TMEM91: variants seen among roughly 807,000 people sequenced by gnomAD.
TMEM91 encodes transmembrane protein 91.
A neutral mutation model predicts 13.3 loss-of-function variants in TMEM91; 6 were observed. The ratio of observed to expected loss-of-function variants is 0.45; its 90% CI spans 0.25 to 0.89. TMEM91 has a LOEUF of 0.89. Among genes scored for constraint, TMEM91 ranks in the 40% least tolerant of loss-of-function variants. TMEM91 has a pLI of 0.19. For missense variants in TMEM91, 193 were observed against 228.7 expected, an observed-to-expected ratio of 0.84 and a Z score of 1.01; for synonymous variants, 87 against 101.7, an observed-to-expected ratio of 0.86 and a Z score of 0.87.
intron 3 of TMEM91, chr19:41,383,334 G>A (rs941400052): frequency 5.6e-5 from 26 of 460,830 alleles, no homozygotes; most frequent in Middle Eastern, 1.3e-3. Context: ...GATTACAGGC[G>A]TGAGCCACGG....
intron 2 of TMEM91, among the ~76,000 whole-genome samples, chr19:41,380,913 CA>C (rs35462984): frequency 0.051 from 3,449 of 67,440 alleles, 241 homozygotes; most frequent in African/African-American, 0.17. Context: ...AACTCTGTCT[CA>C]AAAAAAAAAA....
chr19:41,383,339 C>A, intron 3 of TMEM91: 1 of 480,294 alleles, frequency 2.1e-6, no homozygotes, highest in Non-Finnish European at 3.3e-6. Context: ...CAGGCGTGAG[C>A]CACGGTGCCC....
Position 41,382,882 on chromosome 19 carries a change from CTGGCCCGT to C in TMEM91, c.326_333del (p.Pro109HisfsTer?). 1 of 1,614,196 alleles carries C rather than the reference CTGGCCCGT, an allele frequency of 6.2e-7. No individual in the cohort carries two copies. The highest frequency in any genetic ancestry group is 8.5e-7 in the Non-Finnish European group (1 of 1,180,036). ...CTGTCTTCTCCATGCTGTGTTGTTT[CTGGCCCGT>C]TGGCATCGCTGCCTTCTGTCTAGCC... On this transcript the variant is annotated frameshift_variant, in exon 3 of 4. Transcript: ENST00000392002. LOFTEE classifies it high-confidence loss of function.
rs747420794 is a variant in TMEM91 at position 41,382,919 on chromosome 19, A to ATGTGTGGGTCTTGTGTGTGGGACTTGG, written c.358_359insTGTGTGGGTCTTGTGTGTGGGACTTGG (p.Lys120delinsMetCysGlySerCysValTrpAspLeuGlu). The ATGTGTGGGTCTTGTGTGTGGGACTTGG allele has an allele frequency of 6.2e-7, 1 of 1,614,058 alleles. No individual in the cohort carries two copies. The highest frequency in any genetic ancestry group is 2.2e-5 in the East Asian group (1 of 44,882). On this transcript the variant is annotated protein_altering_variant and splice_region_variant, in exon 3 of 4. Coordinates refer to ENST00000392002, the MANE Select transcript of TMEM91 (RefSeq NM_001098821.2). ...CATCGCTGCCTTCTGTCTAGCCCAG[A>ATGTGTGGGTCTTGTGTGTGGGACTTGG]AGGTCAGTCTGTGTGTGGGACTTGG...
intron 1 of TMEM91, among the ~76,000 whole-genome samples, chr19:41,364,423 C>T (rs1233775117): frequency 1.3e-5 from 2 of 151,978 alleles, no homozygotes; most frequent in African/African-American, 4.8e-5. Flanking sequence ...CTGCTCCGTG[C>T]TGCGCCTACC....
Position 41,378,508 on chromosome 19 carries a change from C to T in TMEM91, c.199C>T (p.Pro67Ser), listed in dbSNP as rs2038784989. 6.2e-7 allele frequency: 1 copy of T among 1,614,056 alleles called. No homozygotes were observed. Among genetic ancestry groups the T allele is most frequent in the Non-Finnish European group, 8.5e-7 (1 of 1,179,962 alleles). Reference protein sequence around the residue: ...VSAGLGEPRPPDVEDMSSSDS... With the variant: ...VSAGLGEPRPSDVEDMSSSDS... ...CGCTGGCCTGGGGGAACCAAGGCCC[C>T]CTGATGTTGAGGTAGGAAACAGCAG... Residue 67 changes from proline to serine, a missense_variant, in exon 2 of 4, where the codon CCT becomes TCT. Pro to Ser is a moderately conservative substitution (Grantham distance 74). Coordinates refer to ENST00000392002, the MANE Select transcript of TMEM91 (RefSeq NM_001098821.2).
At chr19:41,371,398 C>T (rs1204199103) in intron 1 of TMEM91, among the ~76,000 whole-genome samples, 5 of 143,476 alleles carry the variant, frequency 3.5e-5, no homozygotes, top group South Asian at 2.2e-4. Flanking sequence ...TCCTTCCTCC[C>T]TCCCTCCCTC....
At chr19:41,373,477 C>T (rs1337515076), upstream of TMEM91, among the ~76,000 whole-genome samples, 1 of 150,588 alleles carries the variant, frequency 6.6e-6, no homozygotes, top group African/African-American at 2.4e-5. Flanking sequence ...CACTTTGTGC[C>T]AGGCACTGTT....
In TMEM91 at chr19:41,383,712, C is replaced by T. The variant is rs1568494472; in HGVS notation, c.361-3C>T. ...GGGTCACTGCTGCCCACTGCCTCTA[C>T]AGACCAACAAGGCTTGGGCCAAGGG... On this transcript the variant is annotated splice_region_variant and splice_polypyrimidine_tract_variant and intron_variant, in intron 3 of 3. Coordinates refer to ENST00000392002, the MANE Select transcript of TMEM91 (RefSeq NM_001098821.2). 1.2e-6 allele frequency: 2 copies of T among 1,612,446 alleles called. No individual in the cohort carries two copies. Among genetic ancestry groups the T allele is most frequent in the African/African-American group, 1.3e-5 (1 of 74,976 alleles).
intron 2 of TMEM91, 42 bp downstream of exon 2, chr19:41,378,561 TG>T (rs766039204): frequency 6.2e-7 from 1 of 1,606,714 alleles, no homozygotes; most frequent in African/African-American, 1.3e-5. Context: ...GGGAGGGGGC[TG>T]GGGTGAGCCC....
chr19:41,373,580 G>C (rs1024281816), upstream of TMEM91, among the ~76,000 whole-genome samples: 1 of 70,812 alleles, frequency 1.4e-5, no homozygotes, highest in African/African-American at 5.8e-5. Context: ...CTACAAACAA[G>C]AAAAATACAT....
intron 1 of TMEM91, among the ~76,000 whole-genome samples, chr19:41,366,066 T>C (rs1343905209): frequency 6.8e-6 from 1 of 147,244 alleles, no homozygotes. Flanking sequence ...TTTTTTTTTT[T>C]TTTTTTGAGA....
upstream of TMEM91, among the ~76,000 whole-genome samples, chr19:41,375,297 T>TTTTTTTTTTTTTTTTC (rs869066634): frequency 3.5e-5 from 4 of 113,260 alleles, 1 homozygote; most frequent in Admixed American, 9.6e-5. Flanking sequence ...TTTTTTTTTT[T>TTTTTTTTTTTTTTTTC]TGAGACGGAG....
upstream of TMEM91, chr19:41,374,238 G>A (rs1243358309): frequency 6.6e-6 from 1 of 152,172 alleles, no homozygotes; most frequent in East Asian, 1.9e-4. Flanking sequence ...CTGGAGCGAG[G>A]GAACTCCGGC....
chr19:41,370,624 C>T (rs1304529724), intron 1 of TMEM91, among the ~76,000 whole-genome samples: 1 of 152,006 alleles, frequency 6.6e-6, no homozygotes. Flanking sequence ...CCACGCTGGT[C>T]TCGAACTCCT....
At position 41,369,378 on chromosome 19, in the gene TMEM91, C is replaced by T. The variant is rs564516949; in HGVS notation, c.-30+5283C>T. ...GATGGGGTTTTGCCATGTATGGCCGCGCCTGGCCATCCCGGCTACTTTGGA... is the reference window on the plus strand; with the variant it reads ...GATGGGGTTTTGCCATGTATGGCCGTGCCTGGCCATCCCGGCTACTTTGGA... On this transcript the variant is annotated intron_variant, in intron 1 of 3. Coordinates refer to the TMEM91 transcript ENST00000413014. Among the ~76,000 whole-genome samples the T allele has an allele frequency of 2.8e-4, 43 of 152,018 alleles. 1 individual carries two copies. The South Asian group carries it at 6.6e-3, about 24-fold the overall frequency.
chr19:41,383,942 G>A lies in TMEM91; in HGVS notation c.*69G>A. On this transcript the variant is annotated 3_prime_UTR_variant, in exon 4 of 4. Transcript: ENST00000392002. The stretch of plus-strand genomic sequence containing the variant: ...AGCAAATCTGTGGGCAGAGAGTGGA[G>A]AATCTTGGTGGATGAGGCTGCGGCG... 6.4e-7 allele frequency: 1 copy of A among 1,564,534 alleles called. No homozygotes were observed.
intron 1 of TMEM91, among the ~76,000 whole-genome samples, chr19:41,365,685 G>T (rs1016312967): frequency 7.4e-6 from 1 of 134,278 alleles, no homozygotes; most frequent in South Asian, 2.4e-4. Flanking sequence ...GATTACAGGC[G>T]TTAGCCACCG....
chr19:41,364,080 C>T lies in TMEM91; in HGVS notation c.-45C>T, dbSNP rs143639901. The T allele has an allele frequency of 3.4e-3, 557 of 165,446 alleles. 7 individuals are homozygous for T. Among genetic ancestry groups the T allele is most frequent in the South Asian group, 0.027 (214 of 7,908 alleles). 10.2% of individuals were successfully genotyped at this position (165,446 alleles called of 1,614,324 possible). A position where few individuals can be genotyped will look rare whatever the true frequency, so the allele number is the denominator to read the frequency against. On this transcript the variant is annotated 5_prime_UTR_variant, in exon 1 of 4. Transcript: ENST00000413014. ...TGGCTCGCGCCTCTCCCAGGACCCG[C>T]CTGGCTGCGAGATATGTAAGCCGCG...
Sources: allele counts gnomAD v4.1 joint callset (sites outside exome capture counted in the v4.1 genomes callset), GRCh38; gene constraint gnomAD v4.1.1; transcripts MANE v1.5; gene names NCBI Gene and HGNC (gene_info 2026-07-23, HGNC 2026-07-21).